Variants in SLC16A10 observed in about 807,000 individuals in gnomAD.
The protein encoded by SLC16A10 is solute carrier family 16 member 10.
Under a neutral mutation model 40.0 loss-of-function variants are expected in SLC16A10, and 27 were observed. The observed-to-expected ratio is 0.67, with a 90% CI of 0.50 to 0.93. The LOEUF is 0.93. Ranked by LOEUF, SLC16A10 falls within the 40% of genes least tolerant of loss-of-function variation. The probability of loss-of-function intolerance (pLI) is 0.00; values close to 1 mark genes in which losing one functional copy is unlikely to be tolerated. For missense variants in SLC16A10, 529 were observed against 658.2 expected (o/e 0.80, Z 2.15); for synonymous variants, 213 against 249.8 (o/e 0.85, Z 1.39).
intron 1 of SLC16A10, among the ~76,000 whole-genome samples, chr6:111,151,245 T>C (rs1772167120): frequency 6.6e-6 from 1 of 152,222 alleles, no homozygotes; most frequent in Admixed American, 6.5e-5. Context: ...TATTCAGGCA[T>C]ATTGAGTAAG....
chr6:111,147,084 G>T (rs1772093494), intron 1 of SLC16A10, among the ~76,000 whole-genome samples: 1 of 152,174 alleles, frequency 6.6e-6, no homozygotes. Flanking sequence ...TGGGTACAGG[G>T]TTTCTTTTTG....
Position 111,154,498 on chromosome 6 carries a change from A to G in SLC16A10, c.344-18197A>G, listed in dbSNP as rs754964638. Among the ~76,000 whole-genome samples the G allele has an allele frequency of 3.9e-4, 59 of 152,248 alleles. 1 individual carries two copies. Among genetic ancestry groups the G allele is most frequent in the Non-Finnish European group, 1.9e-4 (13 of 68,048 alleles). ...TGGCAAACAACATGAAAAGGGAAGC[A>G]TGATGGATGTGGTTAAATAAGACAC... On this transcript the variant is annotated intron_variant, in intron 1 of 5. Transcript: ENST00000368851.
chr6:111,202,130 C>G (rs1362137451), intron 3 of SLC16A10, among the ~76,000 whole-genome samples: 2 of 152,208 alleles, frequency 1.3e-5, no homozygotes, highest in East Asian at 1.9e-4. Flanking sequence ...CAGGATCTGT[C>G]TGTGGGCTCT....
chr6:111,202,239 G>T (rs1007991951), intron 3 of SLC16A10, among the ~76,000 whole-genome samples: 1 of 152,200 alleles, frequency 6.6e-6, no homozygotes, highest in Non-Finnish European at 1.5e-5. Context: ...ACTTTGGGAG[G>T]TCAAGGGTGG....
At chr6:111,201,278 A>G (rs1272177242) in intron 3 of SLC16A10, among the ~76,000 whole-genome samples, 1 of 152,188 alleles carries the variant, frequency 6.6e-6, no homozygotes, top group Non-Finnish European at 1.5e-5. Flanking sequence ...TAACTGCAGC[A>G]GCAGTGGATG....
At chr6:111,131,693 C>T (rs1429162983) in intron 1 of SLC16A10, among the ~76,000 whole-genome samples, 1 of 152,118 alleles carries the variant, frequency 6.6e-6, no homozygotes, top group Non-Finnish European at 1.5e-5. Context: ...GGGTTGGGAG[C>T]GTTGGGCTGT....
intron 1 of SLC16A10, among the ~76,000 whole-genome samples, chr6:111,097,828 C>A (rs1771101059): frequency 6.6e-6 from 1 of 152,032 alleles, no homozygotes; most frequent in East Asian, 1.9e-4. Flanking sequence ...GTTTTAAATT[C>A]AATTAAAGGT....
At chr6:111,104,823 G>T (rs1369802229) in intron 1 of SLC16A10, among the ~76,000 whole-genome samples, 1 of 151,704 alleles carries the variant, frequency 6.6e-6, no homozygotes, top group Non-Finnish European at 1.5e-5. Context: ...CATTTCTACT[G>T]AAATCATTAT....
At chr6:111,089,916 T>G (rs1198239792) in intron 1 of SLC16A10, among the ~76,000 whole-genome samples, 1 of 98,536 alleles carries the variant, frequency 1.0e-5, no homozygotes, top group Non-Finnish European at 2.0e-5. Flanking sequence ...GGGTTTTTTT[T>G]TTTTTTTTTT....
At chr6:111,169,718 G>A (rs1772546923) in intron 1 of SLC16A10, among the ~76,000 whole-genome samples, 1 of 152,136 alleles carries the variant, frequency 6.6e-6, no homozygotes, top group African/African-American at 2.4e-5. Flanking sequence ...TGTTCATCTA[G>A]TGTCAAGGGA....
intron 1 of SLC16A10, among the ~76,000 whole-genome samples, chr6:111,170,150 A>G (rs978593221): frequency 2.6e-5 from 4 of 151,828 alleles, no homozygotes; most frequent in Non-Finnish European, 4.4e-5. Context: ...TCCTGACCTC[A>G]GGTGATCTGC....
At chr6:111,128,837 ATTTTTCATATTCATAT>A (rs1771728566) in intron 1 of SLC16A10, among the ~76,000 whole-genome samples, 1 of 151,914 alleles carries the variant, frequency 6.6e-6, no homozygotes, top group African/African-American at 2.4e-5. Context: ...TTGTTTTTAT[ATTTTTCATATTCATAT>A]TTTTTCATAT....
chr6:111,145,247 T>G (rs531411128), intron 1 of SLC16A10, among the ~76,000 whole-genome samples: 3 of 150,928 alleles, frequency 2.0e-5, no homozygotes, highest in African/African-American at 7.3e-5. Flanking sequence ...CTATCAAAAA[T>G]TGAAAAATTA....
intron 1 of SLC16A10, among the ~76,000 whole-genome samples, chr6:111,120,060 G>A (rs537248735): frequency 3.4e-4 from 52 of 152,310 alleles, no homozygotes; most frequent in Non-Finnish European, 6.6e-4. Context: ...AAAAAGTGTG[G>A]TCATGACTAA....
intron 3 of SLC16A10, among the ~76,000 whole-genome samples, chr6:111,188,657 AT>A (rs1197952856): frequency 6.6e-6 from 1 of 152,084 alleles, no homozygotes; most frequent in Non-Finnish European, 1.5e-5. Context: ...ACCCACTGAG[AT>A]TCATTTGTGC....
chr6:111,189,099 A>G (rs1258440543), intron 3 of SLC16A10, among the ~76,000 whole-genome samples: 1 of 152,340 alleles, frequency 6.6e-6, no homozygotes, highest in East Asian at 1.9e-4. Flanking sequence ...GTGGGGATAC[A>G]ATGCTAAGAA....
intron 1 of SLC16A10, among the ~76,000 whole-genome samples, chr6:111,105,422 GT>G (rs1771266652): frequency 6.6e-6 from 1 of 152,286 alleles, no homozygotes; most frequent in African/African-American, 2.4e-5. Context: ...GTGAAATTAA[GT>G]TATCTGACTG....
At chr6:111,196,525 C>G (rs1299183856) in intron 3 of SLC16A10, among the ~76,000 whole-genome samples, 1 of 152,006 alleles carries the variant, frequency 6.6e-6, no homozygotes, top group Non-Finnish European at 1.5e-5. Context: ...AAACAAAATA[C>G]AGGCTGGGCT....
At chr6:111,115,039 T>C (rs1342962136) in intron 1 of SLC16A10, among the ~76,000 whole-genome samples, 1 of 152,076 alleles carries the variant, frequency 6.6e-6, no homozygotes. Flanking sequence ...TTTTTTTAAA[T>C]AGTATTTAAT....
Sources: allele counts gnomAD v4.1 joint callset (sites outside exome capture counted in the v4.1 genomes callset), GRCh38; gene constraint gnomAD v4.1.1; transcripts MANE v1.5; gene names NCBI Gene and HGNC (gene_info 2026-07-23, HGNC 2026-07-21).